FAP: variants seen among roughly 807,000 people sequenced by gnomAD.
The protein encoded by FAP is fibroblast activation protein alpha.
In FAP, 110 loss-of-function variants were observed where a neutral mutation model predicts 126.5. The observed-to-expected ratio is 0.87, with a 90% CI of 0.74 to 1.02. FAP has a LOEUF of 1.02. FAP is among the 50% of genes least tolerant of loss of function. The pLI, the probability that FAP is intolerant of heterozygous loss-of-function variation, is 0.00. For missense variants in FAP, 919 were observed against 909.2 expected, an observed-to-expected ratio of 1.01 and a Z score of -0.14; for synonymous variants, 334 against 297.3, an observed-to-expected ratio of 1.12 and a Z score of -1.27.
At chr2:162,202,089 T>C (rs1032479654) in intron 14 of FAP, among the ~76,000 whole-genome samples, 1 of 152,252 alleles carries the variant, frequency 6.6e-6, no homozygotes, top group Non-Finnish European at 1.5e-5. Flanking sequence ...TCCTAGAATT[T>C]CAGCTAATAG....
chr2:162,221,800 T>C lies in FAP; in HGVS notation c.413+1808A>G, dbSNP rs185392835. On this transcript the variant is annotated intron_variant, in intron 6 of 25. Transcript: ENST00000188790. The stretch of plus-strand genomic sequence containing the variant: ...ATCTCCTCAGTTTTGCCTACCTAGC[T>C]TGAAACCAGTAGTTTTGTTTTCTCT... 348 of 451,934 alleles carry C rather than the reference T, an allele frequency of 7.7e-4. 3 individuals carry two copies. Among genetic ancestry groups the C allele is most frequent in the Admixed American group, 1.7e-3 (72 of 41,170 alleles). The allele number at this position is 451,934 out of a possible 1,614,324, so 28.0% of individuals were successfully genotyped here. A position where few individuals can be genotyped will look rare whatever the true frequency, so the allele number is the denominator to read the frequency against.
rs1687954377 is a variant in FAP, at chr2:162,189,153, A to C, written c.1569T>G (p.Ile523Met). The C allele has an allele frequency of 6.2e-7, 1 of 1,603,678 alleles. No individual in the cohort carries two copies. The highest frequency in any genetic ancestry group is 1.7e-5 in the Admixed American group (1 of 58,860). The change falls in exon 19 of 26, where the codon ATT (isoleucine) becomes ATG (methionine). Residue 523 changes from isoleucine to methionine, a missense_variant. Ile to Met is a conservative substitution (Grantham distance 10). Coordinates refer to ENST00000188790, the MANE Select transcript of FAP (RefSeq NM_004460.5). The part of the protein sequence containing the change: ...VDEITLWYKM[I>M]LPPQFDRSKK... ...TTGATCTGTCAAATTGAGGAGGAAG[A>C]ATCATCTTGTACCATAAAGCTTTGA...
chr2:162,208,032 C>T (rs1576169028), intron 12 of FAP, among the ~76,000 whole-genome samples: 1 of 151,464 alleles, frequency 6.6e-6, no homozygotes, highest in African/African-American at 2.4e-5. Flanking sequence ...CCGAGGCAGG[C>T]GGATCACGAG....
intron 17 of FAP, among the ~76,000 whole-genome samples, chr2:162,194,351 C>G (rs970737522): frequency 1.3e-5 from 2 of 151,130 alleles, no homozygotes; most frequent in Non-Finnish European, 2.9e-5. Flanking sequence ...AAAAAAACAC[C>G]CTAGGGATTC....
intron 11 of FAP, among the ~76,000 whole-genome samples, chr2:162,211,025 T>C (rs1220439055): frequency 2.0e-5 from 3 of 152,224 alleles, no homozygotes; most frequent in Non-Finnish European, 4.4e-5. Context: ...CTCTTTTTGC[T>C]AGGGATACGG....
chr2:162,243,143 C>G, intron 1 of FAP, 151 bp from the exon 2 acceptor site: 1 of 809,822 alleles, frequency 1.2e-6, no homozygotes, highest in Non-Finnish European at 2.0e-6. Context: ...TGGAATTCTT[C>G]CAGCTCTGCA....
rs79190884 is a variant in FAP at position 162,234,023 on chromosome 2, G to T, written c.92-7402C>A. Among the ~76,000 whole-genome samples, 763 of 152,256 alleles carry T rather than the reference G, an allele frequency of 5.0e-3. 6 individuals are homozygous for T. The highest frequency in any genetic ancestry group is 9.7e-3 in the South Asian group (47 of 4,828). ...TCAAAAATCAATTAACTAAGTAAAA[G>T]ACTTTATTTCTGGACACTCAATTCT... On this transcript the variant is annotated intron_variant, in intron 2 of 25. Transcript: ENST00000188790.
At chr2:162,219,984 T>C in intron 6 of FAP, 59 bp from the exon 7 acceptor site, 1 of 1,147,886 alleles carries the variant, frequency 8.7e-7, no homozygotes, top group Non-Finnish European at 1.3e-6. Context: ...AAAAAAATAA[T>C]AATCTGTATG....
intron 12 of FAP, among the ~76,000 whole-genome samples, chr2:162,207,424 A>G (rs1298996285): frequency 1.3e-5 from 2 of 152,182 alleles, no homozygotes; most frequent in Non-Finnish European, 2.9e-5. Context: ...GTTGTTCCCA[A>G]TAGAATTATA....
intron 16 of FAP, 100 bp from the exon 17 acceptor site, chr2:162,194,848 A>G (rs1401230055): frequency 2.0e-6 from 2 of 1,003,352 alleles, no homozygotes; most frequent in Middle Eastern, 2.1e-4. Context: ...GTCAAGTGCC[A>G]GTACATCTTT....
At chr2:162,186,563 T>C (rs144717585) in intron 20 of FAP, among the ~76,000 whole-genome samples, 7 of 152,234 alleles carry the variant, frequency 4.6e-5, no homozygotes, top group African/African-American at 1.7e-4. Flanking sequence ...ATTTTGTTGT[T>C]ACTGGTGGGT....
chr2:162,176,674 T>C (rs1687497461), intron 21 of FAP: 1 of 152,158 alleles, frequency 6.6e-6, no homozygotes. Flanking sequence ...AGAAAAAAAT[T>C]ATTATCATTT....
Position 162,235,342 on chromosome 2 carries a change from G to A in FAP, c.91+7566C>T, listed in dbSNP as rs367765150. On this transcript the variant is annotated intron_variant, in intron 2 of 25. Transcript: ENST00000188790. The stretch of plus-strand genomic sequence containing the variant: ...GGCGGGCAGCTCCACCTGCGGCTCC[G>A]GTGCGAGATCCACTGGGTGAGGCCA... Among the ~76,000 whole-genome samples, 1,063 of 152,310 alleles carry A rather than the reference G, an allele frequency of 7.0e-3. 14 individuals carry two copies. Among genetic ancestry groups the A allele is most frequent in the African/African-American group, 0.024 (1,003 of 41,582 alleles).
intron 20 of FAP, among the ~76,000 whole-genome samples, chr2:162,183,910 A>C (rs1687777038): frequency 6.6e-6 from 1 of 152,174 alleles, no homozygotes; most frequent in Non-Finnish European, 1.5e-5. Flanking sequence ...GATAATCATC[A>C]CTTCATTTTC....
intron 20 of FAP, among the ~76,000 whole-genome samples, chr2:162,184,744 T>A (rs1687805015): frequency 6.6e-6 from 1 of 151,706 alleles, no homozygotes; most frequent in African/African-American, 2.4e-5. Context: ...AAAAATCAAA[T>A]GAAAGAAGAG....
chr2:162,218,046 A>G lies in FAP; in HGVS notation c.702T>C (p.Ile234=), dbSNP rs199680554. The stretch of plus-strand genomic sequence containing the variant: ...GTTCATCGCCATAATAGGAATAGGC[A>G]ATAACTGGTATATCCGTATCATTAA... ...AEFNDTDIPV[I]AYSYYGDEQY... is the part of the protein sequence containing the mutation. Residue 234 remains isoleucine, a synonymous_variant, in exon 9 of 26, where the codon ATT becomes ATC. Transcript: ENST00000188790. 1.2e-6 allele frequency: 2 copies of G among 1,607,152 alleles called. No homozygotes were observed. Among genetic ancestry groups the G allele is most frequent in the Non-Finnish European group, 1.7e-6 (2 of 1,175,794 alleles).
At position 162,173,819 on chromosome 2, in the gene FAP, C is replaced by A. The variant is rs201689274; in HGVS notation, c.1970-32G>T. The stretch of plus-strand genomic sequence containing the variant: ...AATATATGAGAATATGCATTGTTTG[C>A]ATGTGATGAATGTCATTTCATTAAC... On this transcript the variant is annotated intron_variant, in intron 22 of 25. Transcript: ENST00000188790. 3.6e-6 allele frequency: 5 copies of A among 1,370,588 alleles called. No homozygotes were observed. The South Asian group carries it at 6.0e-5, about 16-fold the overall frequency. 84.9% of individuals were successfully genotyped at this position (1,370,588 alleles called of 1,614,324 possible).
rs749704178 is a variant in FAP at position 162,218,124 on chromosome 2, T to G, written c.624A>C (p.Thr208=). Residue 208 remains threonine, a synonymous_variant, in exon 9 of 26, where the codon ACA becomes ACC. Coordinates refer to ENST00000188790, the MANE Select transcript of FAP (RefSeq NM_004460.5). ...TAGGAGACCACCAGAGAGCATATTT[T>G]GTAGCAAGCATTTCCTCTGAAAAAT... is the stretch of plus-strand genomic sequence containing the variant. ...DWVYEEEMLA[T]KYALWWSPNG... The G allele has an allele frequency of 1.2e-6, 2 of 1,603,532 alleles. No individual in the cohort carries two copies. The highest frequency in any genetic ancestry group is 2.7e-5 in the African/African-American group (2 of 74,480).
intron 6 of FAP, among the ~76,000 whole-genome samples, chr2:162,220,642 C>T (rs748165504): frequency 6.6e-6 from 1 of 152,190 alleles, no homozygotes; most frequent in Admixed American, 6.5e-5. Context: ...TAAAGTCCTC[C>T]ACCCATGGGG....
Sources: gnomAD v4.1 joint callset for allele counts (sites outside exome capture counted in the v4.1 genomes callset) on GRCh38, gnomAD v4.1.1 for gene constraint, MANE v1.5 for transcripts, NCBI Gene and HGNC (gene_info 2026-07-23, HGNC 2026-07-21) for gene names.